The following LRRC9 variants were observed in gnomAD, a reference collection of about 807,000 sequenced individuals.
LRRC9 encodes leucine-rich repeat-containing protein 9.
In LRRC9, 122 loss-of-function variants were observed where a neutral mutation model predicts 63.2. That is an observed-to-expected ratio of 1.93 (90% CI 1.67 to 2.24). The LOEUF (loss-of-function observed/expected upper bound fraction) is 2.24. LRRC9 is among the 30% of genes most tolerant of loss of function. LRRC9 has a pLI of 0.00. For synonymous variants in LRRC9, 366 were observed against 213.1 expected (o/e 1.72, Z -6.25); for missense variants, 1,071 against 627.7 (o/e 1.71, Z -7.55).
intron 19 of LRRC9, among the ~76,000 whole-genome samples, chr14:60,001,576 G>A (rs1489119887): frequency 6.6e-6 from 1 of 152,124 alleles, no homozygotes; most frequent in African/African-American, 2.4e-5. Context: ...AGCAAGGAAT[G>A]GTGGACAAAA....
intron 29 of LRRC9, among the ~76,000 whole-genome samples, chr14:60,049,343 A>G (rs929655348): frequency 1.3e-5 from 2 of 152,162 alleles, no homozygotes; most frequent in Non-Finnish European, 2.9e-5. Context: ...TAGTTACTTC[A>G]TAGTGTCACT....
At chr14:60,055,440 C>T (rs912934504) in intron 30 of LRRC9, among the ~76,000 whole-genome samples, 9 of 152,052 alleles carry the variant, frequency 5.9e-5, no homozygotes, top group African/African-American at 1.7e-4. Flanking sequence ...TTTATATTCC[C>T]GAAGCAAGTC....
At chr14:59,924,842 A>G (rs1358253547) in intron 1 of LRRC9, among the ~76,000 whole-genome samples, 1 of 150,980 alleles carries the variant, frequency 6.6e-6, no homozygotes, top group African/African-American at 2.4e-5. Context: ...CAGGCACATA[A>G]TTTTCCTTGC....
In LRRC9 at chr14:59,936,517, A is replaced by G. The variant is rs569884157; in HGVS notation, c.544-1873A>G. Among the ~76,000 whole-genome samples the G allele has an allele frequency of 1.3e-5, 2 of 152,216 alleles. No homozygotes were observed. The highest frequency in any genetic ancestry group is 1.9e-4 in the East Asian group (1 of 5,174). On this transcript the variant is annotated intron_variant, in intron 6 of 31. Transcript: ENST00000445360. This position sits in a 1 kb window ranked among gnomAD's most constrained non-coding sequence, Gnocchi z 4.2. The stretch of plus-strand genomic sequence containing the variant: ...TTGTGCCTTTGTAAACTCCAGTGTC[A>G]CCTGAATTTGGAATGTAGTTGGGGG...
chr14:60,011,272 C>T (rs548823662), intron 23 of LRRC9, among the ~76,000 whole-genome samples: 2 of 152,218 alleles, frequency 1.3e-5, no homozygotes, highest in South Asian at 2.1e-4. Flanking sequence ...TTTATAAAAC[C>T]ATCAGATCTC....
At chr14:59,976,038 G>A (rs1291124536) in intron 13 of LRRC9, among the ~76,000 whole-genome samples, 1 of 152,212 alleles carries the variant, frequency 6.6e-6, no homozygotes, top group East Asian at 1.9e-4. Context: ...TTATAGGGGC[G>A]CGAACCCTAT....
In LRRC9 at chr14:59,997,655, G is replaced by A. The variant is rs971018628; in HGVS notation, c.2212-1G>A. On this transcript the variant is annotated splice_acceptor_variant, in intron 17 of 31. Coordinates refer to ENST00000445360, the Ensembl canonical transcript of LRRC9. LOFTEE classifies it high-confidence loss of function. ...ATCACTTTTATTTATATGTGTTGCA[G>A]TATAACCTTGAATATTTGGATGCAA... The A allele has an allele frequency of 7.2e-6, 5 of 689,928 alleles. No homozygotes were observed. The highest frequency in any genetic ancestry group is 6.2e-5 in the South Asian group (4 of 64,922). 42.7% of individuals were successfully genotyped at this position (689,928 alleles called of 1,614,324 possible).
At chr14:60,054,902 C>T (rs1595123588) in intron 30 of LRRC9, among the ~76,000 whole-genome samples, 2 of 152,226 alleles carry the variant, frequency 1.3e-5, no homozygotes, top group East Asian at 1.9e-4. Context: ...GCTGGGACTA[C>T]AGGCATGTGC....
At chr14:60,041,315 G>T (rs189918197) in intron 29 of LRRC9, among the ~76,000 whole-genome samples, 33 of 152,244 alleles carry the variant, frequency 2.2e-4, no homozygotes, top group Middle Eastern at 3.4e-3. Flanking sequence ...TGCCTCGCTA[G>T]GTTGGGGAAG....
In LRRC9 at chr14:60,004,836, A is replaced by G. The variant is rs79677775; in HGVS notation, c.2842+1038A>G. Among the ~76,000 whole-genome samples the G allele has an allele frequency of 3.4e-3, 513 of 151,788 alleles. 18 individuals carry two copies. In the East Asian group the frequency reaches 0.058, roughly 17 times the overall value. ...CTAGAAATTAAAAAATATGTCCACA[A>G]GTGTGCACTATTTGATTGAAAAGAG... On this transcript the variant is annotated intron_variant, in intron 21 of 31. Transcript: ENST00000445360. The surrounding 1 kb of genome is among the most constrained non-coding windows in gnomAD (Gnocchi z 4.8).
intron 8 of LRRC9, among the ~76,000 whole-genome samples, chr14:59,954,292 G>A (rs1396891967): frequency 6.6e-6 from 1 of 152,194 alleles, no homozygotes; most frequent in Non-Finnish European, 1.5e-5. Flanking sequence ...TCCTATCCAT[G>A]AGCATGGAAT....
rs143931993 is a variant in LRRC9, at chr14:60,004,932, T to G, written c.2842+1134T>G. Among the ~76,000 whole-genome samples the G allele has an allele frequency of 9.5e-4, 145 of 152,188 alleles. No homozygotes were observed. The highest frequency in any genetic ancestry group is 3.4e-3 in the African/African-American group (143 of 41,556). ...TATCTGAATAAAGAATATTTCTGTA[T>G]GTGCATTTTGGTAACATGGTTGTGT... On this transcript the variant is annotated intron_variant, in intron 21 of 31. Transcript: ENST00000445360. The surrounding 1 kb of genome is among the most constrained non-coding windows in gnomAD (Gnocchi z 4.8).
chr14:59,967,616 A>G (rs1884992218), intron 12 of LRRC9, among the ~76,000 whole-genome samples: 1 of 152,110 alleles, frequency 6.6e-6, no homozygotes. Flanking sequence ...CCATTTCTTT[A>G]TTCTCTACTT....
intron 17 of LRRC9, among the ~76,000 whole-genome samples, chr14:59,996,988 TAAG>T (rs878886662): frequency 1.3e-5 from 2 of 152,112 alleles, no homozygotes; most frequent in East Asian, 1.9e-4. Flanking sequence ...AAATCATCTT[TAAG>T]AAGATCTAAT....
rs201416774 is a variant in LRRC9, at chr14:59,946,492, CTTTT to C, written c.882+1754_882+1757del. On this transcript the variant is annotated intron_variant, in intron 8 of 31. Coordinates refer to ENST00000445360, the Ensembl canonical transcript of LRRC9. ...TTAATGAATATGCTTAATCTATTTT[CTTTT>C]TTTTTGTCTTTTTTTTTTTTAAATT... Among the ~76,000 whole-genome samples, 11 of 144,880 alleles carry C rather than the reference CTTTT, an allele frequency of 7.6e-5. No homozygotes were observed. The South Asian group carries it at 2.4e-3, about 32-fold the overall frequency.
intron 31 of LRRC9, among the ~76,000 whole-genome samples, chr14:60,063,056 G>A (rs1224433985): frequency 2.0e-5 from 3 of 151,866 alleles, no homozygotes; most frequent in Admixed American, 6.6e-5. Context: ...CACCATGCCC[G>A]GCCAATTTTT....
chr14:59,951,432 C>T lies in LRRC9; in HGVS notation c.882+6688C>T, dbSNP rs1018112881. Among the ~76,000 whole-genome samples, 9 of 122,446 alleles carry T rather than the reference C, an allele frequency of 7.4e-5. 1 individual carries two copies. Among genetic ancestry groups the T allele is most frequent in the African/African-American group, 2.7e-4 (9 of 33,330 alleles). The allele number at this position is 122,446 out of a possible 152,430, so 80.3% of individuals were successfully genotyped here. On this transcript the variant is annotated intron_variant, in intron 8 of 31. Transcript: ENST00000445360. Reference sequence around the variant, plus strand: ...TTTTCAAAGTTTTCAACTTCTTTGACTTTGGTTTGAATGTCCTCCCGTAGC... The same window carrying T: ...TTTTCAAAGTTTTCAACTTCTTTGATTTTGGTTTGAATGTCCTCCCGTAGC...
intron 8 of LRRC9, among the ~76,000 whole-genome samples, chr14:59,950,691 T>C (rs2139902436): frequency 7.4e-6 from 1 of 134,590 alleles, no homozygotes; most frequent in African/African-American, 2.9e-5. Context: ...AGGGCAGGCC[T>C]GGTGGTGACA....
At chr14:59,959,699 T>C in intron 8 of LRRC9, 119 bp from the exon 9 acceptor site, 1 of 491,618 alleles carries the variant, frequency 2.0e-6, no homozygotes, top group Non-Finnish European at 3.6e-6. Flanking sequence ...ATTTCCACTT[T>C]GTTCATTTAA....
Sources: allele counts gnomAD v4.1 joint callset (sites outside exome capture counted in the v4.1 genomes callset), GRCh38; gene constraint gnomAD v4.1.1; non-coding constraint Gnocchi (gnomAD v3.1); transcripts MANE v1.5; gene names NCBI Gene and HGNC (gene_info 2026-07-23, HGNC 2026-07-21).